Variants in SMCHD1 observed in about 807,000 individuals in gnomAD.
SMCHD1 encodes structural maintenance of chromosomes flexible hinge domain containing 1, also known as structural maintenance of chromosomes flexible hinge domain-containing protein 1.
SMCHD1 carries 78 observed loss-of-function variants against 254.7 expected under a neutral mutation model. The ratio of observed to expected loss-of-function variants is 0.31; its 90% CI spans 0.26 to 0.37. SMCHD1 has a LOEUF of 0.37. Ranked by LOEUF, SMCHD1 falls within the 10% of genes least tolerant of loss-of-function variation. SMCHD1 has a pLI of 1.00. For synonymous variants in SMCHD1, 766 were observed against 794.9 expected (o/e 0.96, Z 0.61); for missense variants, 1,840 against 2,408.1 (o/e 0.76, Z 4.94).
At chr18:2,789,955 G>A (rs112381678) in intron 45 of SMCHD1, among the ~76,000 whole-genome samples, 1 of 152,168 alleles carries the variant, frequency 6.6e-6, no homozygotes, top group South Asian at 2.1e-4. Flanking sequence ...AGGCCGAGGC[G>A]GGTGGATCAC....
chr18:2,710,726 A>G (rs1252694533), intron 17 of SMCHD1, among the ~76,000 whole-genome samples: 1 of 152,200 alleles, frequency 6.6e-6, no homozygotes, highest in Non-Finnish European at 1.5e-5. Context: ...AGTAACCAAA[A>G]TGAGAATCTT....
At chr18:2,749,586 G>C (rs2075533341) in intron 30 of SMCHD1, among the ~76,000 whole-genome samples, 1 of 152,208 alleles carries the variant, frequency 6.6e-6, no homozygotes, top group Non-Finnish European at 1.5e-5. Context: ...AAAAATTTGA[G>C]AAGTGTATCT....
intron 10 of SMCHD1, among the ~76,000 whole-genome samples, chr18:2,699,392 T>G (rs1372854148): frequency 6.6e-6 from 1 of 152,170 alleles, no homozygotes; most frequent in Non-Finnish European, 1.5e-5. Context: ...CACGCTGGAG[T>G]GCAGTGACAC....
At chr18:2,750,920 A>G (rs2075558559) in intron 32 of SMCHD1, among the ~76,000 whole-genome samples, 1 of 152,106 alleles carries the variant, frequency 6.6e-6, no homozygotes, top group African/African-American at 2.4e-5. Flanking sequence ...AATTAGTAAC[A>G]GGTGCCAAAT....
At chr18:2,774,436 G>A (rs918725263) in intron 41 of SMCHD1, among the ~76,000 whole-genome samples, 2 of 152,048 alleles carry the variant, frequency 1.3e-5, no homozygotes, top group African/African-American at 2.4e-5. Context: ...TTTTGAGACA[G>A]GATCTCACTC....
chr18:2,719,041 A>C (rs62084232), intron 19 of SMCHD1, among the ~76,000 whole-genome samples: 29,224 of 150,918 alleles, frequency 0.19, 3,079 homozygotes, highest in South Asian at 0.27. Flanking sequence ...TTTTAGGGGA[A>C]TCCCAGTTTC....
At position 2,700,527 on chromosome 18, in the gene SMCHD1, C is replaced by T; in HGVS notation, c.1343-12C>T. 1 of 1,595,196 alleles carries T rather than the reference C, an allele frequency of 6.3e-7. No individual in the cohort carries two copies. The highest frequency in any genetic ancestry group is 8.5e-7 in the Non-Finnish European group (1 of 1,173,454). ...CAATAAACATTTTGTTCCATTTGCC[C>T]TTTTGATCTAGAATTAAAAGATGAA... On this transcript the variant is annotated splice_polypyrimidine_tract_variant and intron_variant, in intron 10 of 47. Transcript: ENST00000320876.
At chr18:2,713,175 C>G (rs1381453176) in intron 17 of SMCHD1, among the ~76,000 whole-genome samples, 1 of 152,100 alleles carries the variant, frequency 6.6e-6, no homozygotes, top group Admixed American at 6.5e-5. Flanking sequence ...TTTGCCAGTC[C>G]CCTTGTTCTA....
At chr18:2,725,314 T>A (rs189780320) in intron 21 of SMCHD1, among the ~76,000 whole-genome samples, 1 of 151,528 alleles carries the variant, frequency 6.6e-6, no homozygotes, top group Non-Finnish European at 1.5e-5. Flanking sequence ...TTTTTTTTTT[T>A]CTCTCTCCTA....
chr18:2,680,177 T>C (rs1222263978), intron 5 of SMCHD1, among the ~76,000 whole-genome samples: 1 of 152,204 alleles, frequency 6.6e-6, no homozygotes, highest in Non-Finnish European at 1.5e-5. Flanking sequence ...TCTGCCACAG[T>C]CTCTACCAAC....
At chr18:2,727,450 C>T (rs534885172) in intron 22 of SMCHD1, among the ~76,000 whole-genome samples, 7 of 152,122 alleles carry the variant, frequency 4.6e-5, no homozygotes, top group South Asian at 2.1e-4. Context: ...AAAAATCATA[C>T]GTATCAACAA....
At chr18:2,761,548 G>A (rs1327164282) in intron 35 of SMCHD1, among the ~76,000 whole-genome samples, 3 of 152,188 alleles carry the variant, frequency 2.0e-5, no homozygotes, top group African/African-American at 7.2e-5. Context: ...TGGGTGCAGT[G>A]GCTCACGCCT....
intron 10 of SMCHD1, among the ~76,000 whole-genome samples, chr18:2,698,271 C>T (rs1219933505): frequency 6.6e-6 from 1 of 152,024 alleles, no homozygotes; most frequent in African/African-American, 2.4e-5. Flanking sequence ...AGTTCTGTTA[C>T]GAAACCAAAC....
intron 37 of SMCHD1, among the ~76,000 whole-genome samples, chr18:2,767,128 C>A (rs114172078): frequency 1.3e-5 from 2 of 151,968 alleles, no homozygotes; most frequent in African/African-American, 4.8e-5. Context: ...ATGGTGACAA[C>A]GCACCTATAG....
intron 47 of SMCHD1, among the ~76,000 whole-genome samples, chr18:2,798,946 C>T (rs1016876606): frequency 3.3e-5 from 5 of 152,120 alleles, no homozygotes; most frequent in African/African-American, 7.2e-5. Flanking sequence ...GTTACTACAG[C>T]GCTACTGTGG....
In SMCHD1 at chr18:2,700,803, G is replaced by T; in HGVS notation, c.1532G>T (p.Gly511Val). The change falls in exon 12 of 48, where the codon GGT becomes GTT. Residue 511 changes from glycine to valine, a missense_variant. Transcript: ENST00000320876. ...APIECYNRISGALFTNDKFQV... is the reference protein window; with the variant it reads ...APIECYNRISVALFTNDKFQV... ...ATTGAATGCTACAATAGGATATCTG[G>T]TGCATTATTCACTAATGACAAATTC... 6.2e-7 allele frequency: 1 copy of T among 1,613,290 alleles called. No individual in the cohort carries two copies. Among genetic ancestry groups the T allele is most frequent in the Non-Finnish European group, 8.5e-7 (1 of 1,179,472 alleles).
At chr18:2,708,915 T>TATATATATATATAAAAC (rs1568199419) in intron 17 of SMCHD1, among the ~76,000 whole-genome samples, 2 of 90,466 alleles carry the variant, frequency 2.2e-5, no homozygotes, top group African/African-American at 4.2e-5. Context: ...TATAACATAT[T>TATATATATATATAAAAC]AACATGAAAT....
intron 35 of SMCHD1, among the ~76,000 whole-genome samples, chr18:2,761,738 A>G (rs2075789245): frequency 6.6e-6 from 1 of 152,126 alleles, no homozygotes; most frequent in African/African-American, 2.4e-5. Context: ...GAATCGCTTG[A>G]ACCCAGGAGG....
intron 8 of SMCHD1, among the ~76,000 whole-genome samples, chr18:2,694,964 T>C (rs1034448029): frequency 2.0e-5 from 3 of 152,204 alleles, no homozygotes; most frequent in Admixed American, 6.5e-5. Context: ...CTTCACAGTT[T>C]GTCAGATTGA....
Sources: gnomAD v4.1 joint callset for allele counts (sites outside exome capture counted in the v4.1 genomes callset) on GRCh38, gnomAD v4.1.1 for gene constraint, MANE v1.5 for transcripts, NCBI Gene and HGNC (gene_info 2026-07-23, HGNC 2026-07-21) for gene names.